The following RAB11FIP4 variants were observed in gnomAD, a reference collection of about 807,000 sequenced individuals.
RAB11FIP4 encodes the protein rab11 family-interacting protein 4.
A neutral mutation model predicts 74.3 loss-of-function variants in RAB11FIP4; 23 were observed. The observed-to-expected ratio is 0.31, with a 90% CI of 0.22 to 0.44. RAB11FIP4 has a LOEUF of 0.44. Among genes scored for constraint, RAB11FIP4 ranks in the 20% least tolerant of loss-of-function variants. The pLI is 1.00. For synonymous variants in RAB11FIP4, 360 were observed against 359.9 expected, an observed-to-expected ratio of 1.00 and a Z score of 0.00; for missense variants, 630 against 863.9, an observed-to-expected ratio of 0.73 and a Z score of 3.39.
At chr17:31,477,378 G>A (rs2142734716) in intron 3 of RAB11FIP4, among the ~76,000 whole-genome samples, 1 of 152,366 alleles carries the variant, frequency 6.6e-6, no homozygotes, top group Non-Finnish European at 1.5e-5. Flanking sequence ...GTGGGGCTGA[G>A]GAAGGAGCCT....
At chr17:31,498,659 A>AC (rs760234185) in intron 3 of RAB11FIP4, among the ~76,000 whole-genome samples, 3 of 152,074 alleles carry the variant, frequency 2.0e-5, no homozygotes, top group South Asian at 4.2e-4. Flanking sequence ...GTGGGAACCC[A>AC]CCCTGGCTTT....
chr17:31,446,732 C>T (rs945456833), intron 3 of RAB11FIP4, among the ~76,000 whole-genome samples: 1 of 152,126 alleles, frequency 6.6e-6, no homozygotes, highest in Admixed American at 6.5e-5. Flanking sequence ...GGTGCTTCTC[C>T]GGGTACCTGT....
chr17:31,395,591 A>C (rs2070921518), intron 1 of RAB11FIP4, among the ~76,000 whole-genome samples: 1 of 152,182 alleles, frequency 6.6e-6, no homozygotes, highest in African/African-American at 2.4e-5. Context: ...AAAATGCCAG[A>C]CAAATCCCAT....
rs57191674 is a variant in RAB11FIP4, at chr17:31,505,587, A to ATAT, written c.337-12064_337-12063insTAT. Among the ~76,000 whole-genome samples, 10 of 76,508 alleles carry ATAT rather than the reference A, an allele frequency of 1.3e-4. No individual in the cohort carries two copies. The East Asian group carries it at 2.7e-3, about 21-fold the overall frequency. 50.2% of individuals were successfully genotyped at this position (76,508 alleles called of 152,430 possible). A position where few individuals can be genotyped will look rare whatever the true frequency, so the allele number is the denominator to read the frequency against. On this transcript the variant is annotated intron_variant, in intron 3 of 14. Coordinates refer to ENST00000621161, the MANE Select transcript of RAB11FIP4 (RefSeq NM_032932.6). ...ATAATATATAATAATATATAATAATAATTATATATTATATAATAATAATTA... is the reference window on the plus strand; with the variant it reads ...ATAATATATAATAATATATAATAATATATATTATATATTATATAATAATAATTA...
chr17:31,439,097 GC>G (rs1207960830), intron 3 of RAB11FIP4, among the ~76,000 whole-genome samples: 12 of 152,238 alleles, frequency 7.9e-5, no homozygotes, highest in Admixed American at 1.3e-4. Flanking sequence ...ATGACAGCCA[GC>G]CCCATGTCCA....
At chr17:31,474,702 G>A (rs1284966083) in intron 3 of RAB11FIP4, among the ~76,000 whole-genome samples, 1 of 150,710 alleles carries the variant, frequency 6.6e-6, no homozygotes, top group Non-Finnish European at 1.5e-5. Context: ...AGTGTTTAAA[G>A]GAGAGATCCG....
At chr17:31,426,929 G>GACATCAGT (rs2071258075) in intron 1 of RAB11FIP4, among the ~76,000 whole-genome samples, 1 of 151,888 alleles carries the variant, frequency 6.6e-6, no homozygotes, top group Admixed American at 6.6e-5. Flanking sequence ...TAAAGGGCAG[G>GACATCAGT]ACATCAGTGT....
chr17:31,400,355 C>A (rs1970953052), intron 1 of RAB11FIP4, among the ~76,000 whole-genome samples: 1 of 152,208 alleles, frequency 6.6e-6, no homozygotes, highest in African/African-American at 2.4e-5. Context: ...GAGGCAGGAG[C>A]CTGCCCAGGG....
intron 3 of RAB11FIP4, among the ~76,000 whole-genome samples, chr17:31,450,808 C>T (rs934645247): frequency 1.3e-5 from 2 of 152,042 alleles, no homozygotes; most frequent in African/African-American, 2.4e-5. Context: ...TGTGGCGCAC[C>T]CTCTGCATTT....
chr17:31,445,814 C>G (rs1029247091), intron 3 of RAB11FIP4, among the ~76,000 whole-genome samples: 3 of 151,112 alleles, frequency 2.0e-5, no homozygotes, highest in Admixed American at 6.6e-5. Context: ...TGGTCTTGAA[C>G]TCCTGACCTC....
At chr17:31,506,409 C>T (rs984583847) in intron 3 of RAB11FIP4, among the ~76,000 whole-genome samples, 4 of 152,172 alleles carry the variant, frequency 2.6e-5, no homozygotes, top group Admixed American at 2.0e-4. Context: ...ATTCAAAATG[C>T]TATCTTCTAG....
chr17:31,513,839 C>T (rs1225920332), intron 3 of RAB11FIP4, among the ~76,000 whole-genome samples: 4 of 152,106 alleles, frequency 2.6e-5, no homozygotes, highest in Admixed American at 1.3e-4. Flanking sequence ...GTGTGTCAGC[C>T]GGGTGTCAGG....
At chr17:31,431,731 C>T in intron 1 of RAB11FIP4, 82 bp from the exon 2 acceptor site, 1 of 799,414 alleles carries the variant, frequency 1.3e-6, no homozygotes, top group Non-Finnish European at 2.2e-6. Flanking sequence ...TCCCTCCCTC[C>T]CTCCCAGCCT....
chr17:31,412,433 AC>A (rs960106993), intron 1 of RAB11FIP4, among the ~76,000 whole-genome samples: 1 of 152,198 alleles, frequency 6.6e-6, no homozygotes, highest in Non-Finnish European at 1.5e-5. Context: ...CTCCAGCCTA[AC>A]CTGTCTCAAA....
At chr17:31,393,148 G>C (rs2070892670) in intron 1 of RAB11FIP4, among the ~76,000 whole-genome samples, 1 of 152,266 alleles carries the variant, frequency 6.6e-6, no homozygotes, top group South Asian at 2.1e-4. Context: ...GCTGTGGGCA[G>C]AAGAGAGTGA....
chr17:31,441,324 C>T (rs1275432293), intron 3 of RAB11FIP4, among the ~76,000 whole-genome samples: 1 of 151,976 alleles, frequency 6.6e-6, no homozygotes, highest in East Asian at 1.9e-4. Context: ...CCGCATCTGG[C>T]CGGAAAGTTT....
intron 3 of RAB11FIP4, among the ~76,000 whole-genome samples, chr17:31,451,206 C>A (rs928712570): frequency 2.6e-5 from 4 of 152,070 alleles, no homozygotes; most frequent in Non-Finnish European, 5.9e-5. Context: ...CACCTATAAT[C>A]CCAGCACTTT....
intron 3 of RAB11FIP4, among the ~76,000 whole-genome samples, chr17:31,503,036 T>TTTG (rs10671067): frequency 0.69 from 105,025 of 151,368 alleles, 37,006 homozygotes; most frequent in African/African-American, 0.82. Context: ...TTATTATTAT[T>TTTG]TTGTTGTTTG....
At chr17:31,411,592 C>A (rs1245798991) in intron 1 of RAB11FIP4, among the ~76,000 whole-genome samples, 4 of 152,222 alleles carry the variant, frequency 2.6e-5, no homozygotes, top group African/African-American at 9.6e-5. Flanking sequence ...ACTGGTCCTC[C>A]ACCCCAGGCC....
Sources: gnomAD v4.1 joint callset for allele counts (sites outside exome capture counted in the v4.1 genomes callset) on GRCh38, gnomAD v4.1.1 for gene constraint, MANE v1.5 for transcripts, NCBI Gene and HGNC (gene_info 2026-07-23, HGNC 2026-07-21) for gene names.